Variants in MYO16 observed in about 807,000 individuals in gnomAD.
The protein encoded by MYO16 is myosin XVI.
A neutral mutation model predicts 205.3 loss-of-function variants in MYO16; 94 were observed. The observed-to-expected ratio is 0.46, with a 90% confidence interval of 0.39 to 0.54. MYO16 has a LOEUF of 0.54. Among genes scored for constraint, MYO16 ranks in the 20% least tolerant of loss-of-function variants. The pLI is 0.00. For synonymous variants in MYO16, 988 were observed against 954.0 expected (o/e 1.04, Z -0.66); for missense variants, 2,315 against 2,387.5 (o/e 0.97, Z 0.63).
Position 108,793,538 on chromosome 13 carries a change from C to G in MYO16, c.639C>G (p.Arg213=). ...DENGVDLTSL[R]QMKLQRPMSM... The stretch of plus-strand genomic sequence containing the variant: ...CAGGAGTGGATTTGACCTCACTGCG[C>G]CAGATGAAGCTTCAGAGACCAATGA... Residue 213 remains arginine (R), a synonymous_variant, in exon 6 of 35, where the codon CGC becomes CGG. Coordinates refer to ENST00000457511, the MANE Select transcript of MYO16 (RefSeq NM_001198950.3). 4 of 1,613,776 alleles carry G rather than the reference C, an allele frequency of 2.5e-6. No individual in the cohort carries two copies. The highest frequency in any genetic ancestry group is 3.4e-6 in the Non-Finnish European group (4 of 1,179,800).
the MYO16 span, among the ~76,000 whole-genome samples, chr13:108,564,172 C>CTT: frequency 3.3e-3 from 419 of 126,678 alleles, 4 homozygotes; most frequent in African/African-American, 0.011. Flanking sequence ...CTATTGCCTT[C>CTT]TTTTTTTTTT....
At chr13:108,941,580 G>A (rs1347458537) in intron 16 of MYO16, among the ~76,000 whole-genome samples, 2 of 150,690 alleles carry the variant, frequency 1.3e-5, no homozygotes, top group Non-Finnish European at 2.9e-5. Context: ...GGGAGGCTGA[G>A]GCACAAGAAT....
At chr13:108,803,517 CA>C (rs1194461137) in intron 6 of MYO16, among the ~76,000 whole-genome samples, 3 of 152,130 alleles carry the variant, frequency 2.0e-5, no homozygotes. Flanking sequence ...TGACCGGATG[CA>C]ATGAAAACTG....
intron 21 of MYO16, among the ~76,000 whole-genome samples, chr13:108,999,806 G>C (rs764827200): frequency 1.3e-4 from 20 of 152,168 alleles, no homozygotes; most frequent in Non-Finnish European, 2.6e-4. Context: ...CAGTTCCAAA[G>C]GTTCTTAGAA....
At chr13:108,666,435 A>G (rs1330953927) in intron 2 of MYO16, among the ~76,000 whole-genome samples, 3 of 151,974 alleles carry the variant, frequency 2.0e-5, no homozygotes, top group Non-Finnish European at 4.4e-5. Context: ...GTTCCTTTCC[A>G]ATTGTTTAAT....
intron 20 of MYO16, among the ~76,000 whole-genome samples, chr13:108,965,178 G>A (rs1238498176): frequency 6.6e-6 from 1 of 152,124 alleles, no homozygotes; most frequent in African/African-American, 2.4e-5. Context: ...GAAGGTAGAT[G>A]TGGCCTTTTG....
At chr13:108,792,191 C>T (rs2138941261) in intron 5 of MYO16, among the ~76,000 whole-genome samples, 1 of 152,328 alleles carries the variant, frequency 6.6e-6, no homozygotes, top group East Asian at 1.9e-4. Context: ...AGACCTGAGC[C>T]TTCTGTGCAC....
intron 28 of MYO16, chr13:109,101,906 T>C (rs994342778): frequency 2.0e-5 from 3 of 152,186 alleles, no homozygotes; most frequent in African/African-American, 7.2e-5. Context: ...CATGAGCTGA[T>C]GATTCAGAAT....
At chr13:108,782,068 T>G (rs1402235858) in intron 4 of MYO16, among the ~76,000 whole-genome samples, 1 of 152,112 alleles carries the variant, frequency 6.6e-6, no homozygotes, top group African/African-American at 2.4e-5. Context: ...CCCAAAAATG[T>G]GGAAGCAACT....
chr13:108,574,308 T>C, the MYO16 span, among the ~76,000 whole-genome samples: 1 of 152,154 alleles, frequency 6.6e-6, no homozygotes, highest in Admixed American at 6.5e-5. Flanking sequence ...AGCTCCATGG[T>C]TATATGAAGC....
intron 9 of MYO16, among the ~76,000 whole-genome samples, chr13:108,825,826 C>T (rs1185246295): frequency 8.4e-6 from 1 of 118,600 alleles, no homozygotes; most frequent in Non-Finnish European, 1.9e-5. Context: ...AACATGCTTA[C>T]CCAGTAGGTT....
At chr13:108,687,998 G>C (rs1465829454) in intron 2 of MYO16, among the ~76,000 whole-genome samples, 1 of 152,172 alleles carries the variant, frequency 6.6e-6, no homozygotes, top group African/African-American at 2.4e-5. Context: ...ACTCAAAGAA[G>C]AGAAAAGCTC....
At chr13:109,106,182 G>T in intron 28 of MYO16, among the ~76,000 whole-genome samples, 1 of 152,326 alleles carries the variant, frequency 6.6e-6, no homozygotes. Flanking sequence ...AGAGTTCATG[G>T]ATTACCTCAC....
Position 108,785,737 on chromosome 13 carries a change from G to GA in MYO16, c.614dup (p.Asn205LysfsTer35). 1 of 1,590,680 alleles carries GA rather than the reference G, an allele frequency of 6.3e-7. No homozygotes were observed. Among genetic ancestry groups the GA allele is most frequent in the Non-Finnish European group, 8.6e-7 (1 of 1,165,410 alleles). ...CTCTATCCTGTTGACCTATCTGGATGAAAATGGTAGGCAAAAACTTTTAAA... is the reference window on the plus strand; with the variant it reads ...CTCTATCCTGTTGACCTATCTGGATGAAAAATGGTAGGCAAAAACTTTTAAA... On this transcript the variant is annotated frameshift_variant, in exon 5 of 35. Transcript: ENST00000457511. LOFTEE classifies it high-confidence loss of function.
intron 9 of MYO16, among the ~76,000 whole-genome samples, chr13:108,831,502 C>T (rs1876620234): frequency 6.6e-6 from 1 of 152,090 alleles, no homozygotes; most frequent in East Asian, 1.9e-4. Flanking sequence ...ATCTTGCAAC[C>T]AAAAAATGAA....
At chr13:108,585,686 C>T in the MYO16 span, among the ~76,000 whole-genome samples, 15 of 152,018 alleles carry the variant, frequency 9.9e-5, no homozygotes, top group African/African-American at 3.1e-4. Context: ...GTATTTTTTT[C>T]CTTGTTTCAT....
intron 27 of MYO16, among the ~76,000 whole-genome samples, chr13:109,084,402 A>G (rs1888375190): frequency 6.6e-6 from 1 of 152,200 alleles, no homozygotes; most frequent in South Asian, 2.1e-4. Context: ...CCAGGTGCCA[A>G]TTAAAGTTAC....
At chr13:108,689,142 C>T in intron 2 of MYO16, among the ~76,000 whole-genome samples, 1 of 108,314 alleles carries the variant, frequency 9.2e-6, no homozygotes, top group East Asian at 2.3e-4. Flanking sequence ...TCTTTAATAA[C>T]ATACATTGTT....
the MYO16 span, among the ~76,000 whole-genome samples, chr13:108,570,340 C>T: frequency 1.3e-5 from 2 of 152,114 alleles, no homozygotes; most frequent in African/African-American, 4.8e-5. Flanking sequence ...ACTCAAACCC[C>T]TGGGCTCAAG....
Sources: allele counts gnomAD v4.1 joint callset (sites outside exome capture counted in the v4.1 genomes callset), GRCh38; gene constraint gnomAD v4.1.1; transcripts MANE v1.5; gene names NCBI Gene and HGNC (gene_info 2026-07-23, HGNC 2026-07-21).